ZNF48: variants seen among roughly 807,000 people sequenced by gnomAD.
ZNF48 encodes zinc finger protein 553.
Under a neutral mutation model 40.0 loss-of-function variants are expected in ZNF48, and 20 were observed. The observed-to-expected ratio is 0.50, with a 90% CI of 0.35 to 0.73. The LOEUF (loss-of-function observed/expected upper bound fraction) is 0.73, where lower values mean the gene tolerates loss of function less well. ZNF48 is among the 30% of genes least tolerant of loss of function. ZNF48 has a pLI of 0.01. For synonymous variants in ZNF48, 298 were observed against 329.7 expected (o/e 0.90, Z 1.04); for missense variants, 726 against 851.9 (o/e 0.85, Z 1.84).
At position 30,398,696 on chromosome 16, in the gene ZNF48, T is replaced by G. The variant is rs1266957896; in HGVS notation, c.1446T>G (p.Pro482=). 6.2e-7 allele frequency: 1 copy of G among 1,604,254 alleles called. No individual in the cohort carries two copies. Among genetic ancestry groups the G allele is most frequent in the Non-Finnish European group, 8.5e-7 (1 of 1,176,432 alleles). ...VHTGEKPYLC[P]ECGKGFADSS... ...CAGGGGAGAAACCCTACCTCTGTCC[T>G]GAATGCGGCAAGGGTTTTGCTGACA... The change falls in exon 3 of 3, where the codon CCT becomes CCG. Residue 482 remains proline, a synonymous_variant. Coordinates refer to ENST00000613509, the MANE Select transcript of ZNF48 (RefSeq NM_001214909.2). The surrounding 1 kb of genome is among the most constrained non-coding windows in gnomAD (Gnocchi z 6.6).
Position 30,379,774 on chromosome 16 carries a change from T to C in ZNF48, c.-16+1364T>C, listed in dbSNP as rs921533291. 8.5e-6 allele frequency: 5 copies of C among 586,968 alleles called. No individual in the cohort carries two copies. The Admixed American group carries it at 9.5e-5, about 11-fold the overall frequency. 36.4% of individuals were successfully genotyped at this position (586,968 alleles called of 1,614,324 possible). A position where few individuals can be genotyped will look rare whatever the true frequency, so the allele number is the denominator to read the frequency against. On this transcript the variant is annotated intron_variant, in intron 1 of 2. Coordinates refer to the ZNF48 transcript ENST00000528032. ...GGCGCCCACCATCACACCTGGCAAA[T>C]TTGTGTATTTTTAGTAGAGGTGGGG...
In ZNF48 at chr16:30,381,262, T is replaced by TCA; in HGVS notation, c.-16+2853_-16+2854dup. 1 of 1,613,338 alleles carries TCA rather than the reference T, an allele frequency of 6.2e-7. No individual in the cohort carries two copies. Among genetic ancestry groups the TCA allele is most frequent in the Non-Finnish European group, 8.5e-7 (1 of 1,179,502 alleles). On this transcript the variant is annotated intron_variant, in intron 1 of 2. Transcript: ENST00000528032. The surrounding 1 kb of genome is among the most constrained non-coding windows in gnomAD (Gnocchi z 4.3). ...GCCGGAGCCTGCACCCAGGGATTGG[T>TCA]CATTGCCCAGCCTCAGGGGGCAGAG...
At chr16:30,385,888 G>T (rs2049897148) in intron 1 of ZNF48, among the ~76,000 whole-genome samples, 1 of 152,154 alleles carries the variant, frequency 6.6e-6, no homozygotes, top group South Asian at 2.1e-4. Flanking sequence ...TGCTTTGGGA[G>T]GCTGAGGTGG....
intron 1 of ZNF48, among the ~76,000 whole-genome samples, chr16:30,389,295 G>T (rs1200697335): frequency 1.3e-5 from 2 of 151,942 alleles, no homozygotes; most frequent in African/African-American, 4.8e-5. Context: ...GGAGGCTGAG[G>T]CAGGAGAATG....
intron 1 of ZNF48, among the ~76,000 whole-genome samples, chr16:30,389,823 T>G (rs1387685386): frequency 3.2e-5 from 3 of 94,400 alleles, no homozygotes; most frequent in Admixed American, 1.1e-4. Context: ...TTAGTTTTTT[T>G]TTTTTTTTTT....
chr16:30,379,763 C>G (rs1422434860), intron 1 of ZNF48: 2 of 590,244 alleles, frequency 3.4e-6, no homozygotes, highest in African/African-American at 3.8e-5. Flanking sequence ...CCCACCATCA[C>G]ACCTGGCAAA....
chr16:30,391,907 A>G (rs1310471619), upstream of ZNF48, among the ~76,000 whole-genome samples: 3 of 150,726 alleles, frequency 2.0e-5, no homozygotes, highest in South Asian at 4.2e-4. Context: ...GCATGATCTC[A>G]GCTCCCTGCA....
chr16:30,389,755 T>G (rs929573181), intron 1 of ZNF48, among the ~76,000 whole-genome samples: 7 of 146,326 alleles, frequency 4.8e-5, no homozygotes, highest in Non-Finnish European at 1.0e-4. Context: ...GAGTTTCATA[T>G]AGGGCAGTGT....
chr16:30,395,073 T>TC (rs1404177863), upstream of ZNF48: 6 of 356,258 alleles, frequency 1.7e-5, no homozygotes, highest in African/African-American at 1.3e-4. This position sits in a 1 kb window ranked among gnomAD's most constrained non-coding sequence, Gnocchi z 5.9. Context: ...CCTTGGTCTC[T>TC]CCCCCACCCC....
upstream of ZNF48, chr16:30,395,072 C>CT: frequency 5.6e-6 from 2 of 359,664 alleles, no homozygotes; most frequent in Non-Finnish European, 1.1e-5. The surrounding 1 kb of genome is among the most constrained non-coding windows in gnomAD (Gnocchi z 5.9). Context: ...GCCTTGGTCT[C>CT]TCCCCCACCC....
chr16:30,384,922 A>T (rs540790149), intron 1 of ZNF48, among the ~76,000 whole-genome samples: 3 of 152,164 alleles, frequency 2.0e-5, no homozygotes, highest in African/African-American at 7.2e-5. Context: ...CATGCCTGTA[A>T]TCCCAGCACT....
Position 30,378,412 on chromosome 16 carries a change from T to C in ZNF48, c.-16+2T>C. The C allele has an allele frequency of 1.3e-6, 2 of 1,548,846 alleles. No homozygotes were observed. Among genetic ancestry groups the C allele is most frequent in the Non-Finnish European group, 1.7e-6 (2 of 1,158,232 alleles). On this transcript the variant is annotated splice_donor_variant, in intron 1 of 2. Coordinates refer to the ZNF48 transcript ENST00000528032. LOFTEE classifies it low-confidence loss of function (5UTR_SPLICE). The stretch of plus-strand genomic sequence containing the variant: ...AGGCCGACTGAAGGCGGAGCCGAGG[T>C]AAGGCCGGGCGGGGCGTGGCCTCAG...
chr16:30,395,149 T>C (rs2049969320), upstream of ZNF48: 1 of 450,568 alleles, frequency 2.2e-6, no homozygotes, highest in South Asian at 1.6e-5. This position sits in a 1 kb window ranked among gnomAD's most constrained non-coding sequence, Gnocchi z 5.9. Context: ...GCTGGCGCTG[T>C]CGGCCGGCCG....
In ZNF48 at chr16:30,382,811, T is replaced by C; in HGVS notation, c.-16+4401T>C. Reference sequence around the variant, plus strand: ...CATCATCGTGGTGAGACATGGGGTATGTGCAGAGAGGAAGGAAGTGGCTCC... The same window carrying C: ...CATCATCGTGGTGAGACATGGGGTACGTGCAGAGAGGAAGGAAGTGGCTCC... On this transcript the variant is annotated intron_variant, in intron 1 of 2. Transcript: ENST00000528032. This position sits in a 1 kb window ranked among gnomAD's most constrained non-coding sequence, Gnocchi z 4.8. The C allele has an allele frequency of 2.6e-6, 4 of 1,534,544 alleles. No individual in the cohort carries two copies. The highest frequency in any genetic ancestry group is 2.6e-6 in the Non-Finnish European group (3 of 1,145,778).
At chr16:30,396,044 C>A in intron 2 of ZNF48, 171 bp downstream of exon 2, 1 of 588,814 alleles carries the variant, frequency 1.7e-6, no homozygotes, top group Non-Finnish European at 2.8e-6. Context: ...GGGAGGGGCT[C>A]TTCACGGCCT....
In ZNF48 at chr16:30,382,448, G is replaced by A; in HGVS notation, c.-16+4038G>A. On this transcript the variant is annotated intron_variant, in intron 1 of 2. Coordinates refer to the ZNF48 transcript ENST00000528032. The surrounding 1 kb of genome is among the most constrained non-coding windows in gnomAD (Gnocchi z 4.8). Reference sequence around the variant, plus strand: ...ATCACTTGAGTTCCTGGGCTAGGAAGAGTCAGTGGGGTCTGGGGACCCCAG... The same window carrying A: ...ATCACTTGAGTTCCTGGGCTAGGAAAAGTCAGTGGGGTCTGGGGACCCCAG... The A allele has an allele frequency of 6.4e-7, 1 of 1,568,060 alleles. No individual in the cohort carries two copies. The highest frequency in any genetic ancestry group is 1.4e-5 in the African/African-American group (1 of 73,994).
At chr16:30,384,935 G>T (rs2049888856) in intron 1 of ZNF48, among the ~76,000 whole-genome samples, 1 of 152,022 alleles carries the variant, frequency 6.6e-6, no homozygotes, top group Admixed American at 6.6e-5. Flanking sequence ...CCAGCACTTT[G>T]GGAGGCTGAG....
chr16:30,396,128 G>A, intron 2 of ZNF48: 1 of 396,564 alleles, frequency 2.5e-6, no homozygotes, highest in Non-Finnish European at 4.5e-6. Context: ...GTTTTATCCT[G>A]GCAATTGCAG....
At chr16:30,395,177 G>A (rs1000165138), upstream of ZNF48, 4 of 454,362 alleles carry the variant, frequency 8.8e-6, no homozygotes, top group Non-Finnish European at 1.8e-5. The surrounding 1 kb of genome is among the most constrained non-coding windows in gnomAD (Gnocchi z 5.9). Context: ...CGGCGCGGGT[G>A]GCTGGAGACA....
Sources: allele counts gnomAD v4.1 joint callset (sites outside exome capture counted in the v4.1 genomes callset), GRCh38; gene constraint gnomAD v4.1.1; non-coding constraint Gnocchi (gnomAD v3.1); transcripts MANE v1.5; gene names NCBI Gene and HGNC (gene_info 2026-07-23, HGNC 2026-07-21).